Variants in CDH8 observed in about 807,000 individuals in gnomAD.
The protein encoded by CDH8 is cadherin-8.
A neutral mutation model predicts 68.1 loss-of-function variants in CDH8; 17 were observed. That is an observed-to-expected ratio of 0.25 (90% confidence interval 0.17 to 0.37). The LOEUF (loss-of-function observed/expected upper bound fraction) is 0.37, where lower values mean the gene tolerates loss of function less well. Among genes scored for constraint, CDH8 ranks in the 10% least tolerant of loss-of-function variants. CDH8 has a pLI of 1.00. For missense variants in CDH8, 763 were observed against 999.3 expected (o/e 0.76, Z 3.19); for synonymous variants, 372 against 365.1 (o/e 1.02, Z -0.21).
intron 2 of CDH8, among the ~76,000 whole-genome samples, chr16:61,949,979 C>T (rs1195527379): frequency 7.3e-6 from 1 of 137,390 alleles, no homozygotes; most frequent in South Asian, 2.3e-4. Flanking sequence ...CAGAGCAAGA[C>T]CCTGTCTTAA....
intron 8 of CDH8, among the ~76,000 whole-genome samples, chr16:61,760,272 T>C (rs531781491): frequency 1.3e-5 from 2 of 149,902 alleles, no homozygotes; most frequent in South Asian, 2.1e-4. Flanking sequence ...TAAAATATAT[T>C]TGGAAGAAAA....
intron 7 of CDH8, among the ~76,000 whole-genome samples, chr16:61,793,956 A>G (rs978807945): frequency 6.6e-6 from 1 of 152,092 alleles, no homozygotes; most frequent in Non-Finnish European, 1.5e-5. Context: ...AATGGACTAC[A>G]AAACAGAATA....
chr16:61,946,134 C>T (rs994291869), intron 2 of CDH8, among the ~76,000 whole-genome samples: 5 of 152,146 alleles, frequency 3.3e-5, no homozygotes, highest in Non-Finnish European at 7.4e-5. Context: ...GGAAAACATA[C>T]ACACATGTGC....
chr16:61,798,230 C>G (rs1961542504), intron 7 of CDH8, among the ~76,000 whole-genome samples: 1 of 152,164 alleles, frequency 6.6e-6, no homozygotes, highest in Non-Finnish European at 1.5e-5. Context: ...GAAAGGATTA[C>G]ATTGCAAATT....
chr16:62,034,650 C>T (rs758378105), intron 1 of CDH8, among the ~76,000 whole-genome samples: 55 of 152,210 alleles, frequency 3.6e-4, no homozygotes, highest in Middle Eastern at 3.4e-3. Context: ...AAGAAAGCAG[C>T]TGATCTGATT....
intron 10 of CDH8, among the ~76,000 whole-genome samples, chr16:61,706,289 G>C (rs1012701444): frequency 6.6e-6 from 1 of 152,170 alleles, no homozygotes; most frequent in African/African-American, 2.4e-5. Flanking sequence ...GCAGAGGATG[G>C]GAATTTCAAA....
rs1255790422 is a variant in CDH8 at position 61,650,119 on chromosome 16, A to C, written c.*3489T>G. On this transcript the variant is annotated 3_prime_UTR_variant, in exon 12 of 12. Transcript: ENST00000577390. Reference sequence around the variant, plus strand: ...TTCTGTGTGGCAAGGTTAACACTTGAATTTAAAAATAGCATATTTTAGTCA... The same window carrying C: ...TTCTGTGTGGCAAGGTTAACACTTGCATTTAAAAATAGCATATTTTAGTCA... 1 of 152,174 alleles carries C rather than the reference A, an allele frequency of 6.6e-6. No homozygotes were observed. The highest frequency in any genetic ancestry group is 1.9e-4 in the East Asian group (1 of 5,188). The allele number at this position is 152,174 out of a possible 1,614,324, so 9.4% of individuals were successfully genotyped here. A position where few individuals can be genotyped will look rare whatever the true frequency, so the allele number is the denominator to read the frequency against.
At chr16:61,945,494 T>C (rs1475745301) in intron 2 of CDH8, among the ~76,000 whole-genome samples, 1 of 151,926 alleles carries the variant, frequency 6.6e-6, no homozygotes, top group Non-Finnish European at 1.5e-5. Context: ...TCATCTTTCT[T>C]ACCCTCAAAG....
In CDH8 at chr16:61,655,545, C is replaced by T; in HGVS notation, c.1831G>A (p.Glu611Lys). 2 of 1,614,072 alleles carry T rather than the reference C, an allele frequency of 1.2e-6. No homozygotes were observed. The highest frequency in any genetic ancestry group is 1.3e-5 in the African/African-American group (1 of 75,022). ...NDGVVQSCNV[E>K]AYVLPIGLSM... ...AGTCCAATTGGAAGGACATAAGCTT[C>T]GACATTGCAAGACTGGACGACACCG... Residue 611 changes from glutamate (E) to lysine (K), a missense_variant, in exon 11 of 12, where the codon GAA becomes AAA. This residue lies in a region of CDH8 where 397 missense variants were observed against 436.2 expected (regional missense o/e 0.91). Transcript: ENST00000577390.
intron 4 of CDH8, among the ~76,000 whole-genome samples, chr16:61,843,225 C>T (rs534470926): frequency 1.9e-4 from 29 of 152,204 alleles, no homozygotes; most frequent in African/African-American, 5.5e-4. Context: ...CAATGTCTTA[C>T]GTTACCAACA....
At chr16:61,818,946 T>TA (rs1962146101) in intron 6 of CDH8, among the ~76,000 whole-genome samples, 1 of 151,310 alleles carries the variant, frequency 6.6e-6, no homozygotes, top group Admixed American at 6.6e-5. Flanking sequence ...TTTTTTTTTT[T>TA]TTTTTTCAAT....
rs369723855 is a variant in CDH8, at chr16:61,919,475, C to A, written c.253-18002G>T. ...CAATACAGAGAAGTGCTTAAAGGAG[C>A]TGATGGAGCTGAAAACCAAGGCTCG... On this transcript the variant is annotated intron_variant, in intron 2 of 11. Transcript: ENST00000577390. Among the ~76,000 whole-genome samples the A allele has an allele frequency of 7.7e-4, 114 of 147,382 alleles. 5 individuals carry two copies. The East Asian group carries it at 0.023, about 29-fold the overall frequency.
At chr16:61,924,180 T>C (rs1327727251) in intron 2 of CDH8, among the ~76,000 whole-genome samples, 2 of 152,114 alleles carry the variant, frequency 1.3e-5, no homozygotes, top group African/African-American at 2.4e-5. Context: ...ATGGTATTAT[T>C]TGGCAATGCC....
chr16:61,694,841 G>A (rs1964295588), intron 10 of CDH8, among the ~76,000 whole-genome samples: 1 of 152,222 alleles, frequency 6.6e-6, no homozygotes, highest in Non-Finnish European at 1.5e-5. Context: ...GAGTGCAGAG[G>A]TGTGATCTCG....
chr16:61,841,145 T>C (rs1962674920), intron 4 of CDH8, among the ~76,000 whole-genome samples: 1 of 152,198 alleles, frequency 6.6e-6, no homozygotes, highest in Non-Finnish European at 1.5e-5. Flanking sequence ...ATTTTAGCTA[T>C]TGTAAACAGT....
chr16:61,996,061 AC>A (rs1391160422), intron 2 of CDH8, among the ~76,000 whole-genome samples: 1 of 152,232 alleles, frequency 6.6e-6, no homozygotes, highest in Non-Finnish European at 1.5e-5. Context: ...TCGCCTCCAG[AC>A]AAAGAAGAAT....
At chr16:61,771,472 CA>C (rs11355312) in intron 8 of CDH8, among the ~76,000 whole-genome samples, 13,013 of 62,296 alleles carry the variant, frequency 0.21, 474 homozygotes, top group African/African-American at 0.37. Context: ...AAAAGCCAGC[CA>C]AAAAAAAAAA....
At chr16:61,736,108 AAAGAAAGG>A (rs887211352) in intron 8 of CDH8, among the ~76,000 whole-genome samples, 4 of 64,770 alleles carry the variant, frequency 6.2e-5, no homozygotes, top group African/African-American at 1.7e-4. Context: ...GGAAAGAAAG[AAAGAAAGG>A]AAGGAAGGAA....
chr16:62,026,505 C>T (rs530159641), intron 1 of CDH8, among the ~76,000 whole-genome samples: 1 of 152,296 alleles, frequency 6.6e-6, no homozygotes, highest in African/African-American at 2.4e-5. Context: ...AGAGTCACTT[C>T]CTCATGTCAT....
Sources: allele counts gnomAD v4.1 joint callset (sites outside exome capture counted in the v4.1 genomes callset), GRCh38; gene constraint gnomAD v4.1.1; regional missense constraint gnomAD v4.1.1; transcripts MANE v1.5; gene names NCBI Gene and HGNC (gene_info 2026-07-23, HGNC 2026-07-21).